MYO1D: variants seen among roughly 807,000 people sequenced by gnomAD.
MYO1D encodes the protein myosin ID, also known as unconventional myosin-Id.
In MYO1D, 83 loss-of-function variants were observed where a neutral mutation model predicts 122.0. The ratio of observed to expected loss-of-function variants is 0.68; its 90% CI spans 0.57 to 0.82. The LOEUF is 0.82. MYO1D is among the 40% of genes least tolerant of loss of function. MYO1D has a pLI of 0.00. For missense variants in MYO1D, 1,157 were observed against 1,269.5 expected, an observed-to-expected ratio of 0.91 and a Z score of 1.35; for synonymous variants, 464 against 446.9, an observed-to-expected ratio of 1.04 and a Z score of -0.48.
intron 20 of MYO1D, among the ~76,000 whole-genome samples, chr17:32,616,637 T>G (rs1396414084): frequency 6.6e-6 from 1 of 152,064 alleles, no homozygotes; most frequent in Non-Finnish European, 1.5e-5. Context: ...GCATTTTAAG[T>G]AAGAGTAACA....
chr17:32,616,978 A>T (rs571864646), intron 20 of MYO1D, among the ~76,000 whole-genome samples: 62 of 152,326 alleles, frequency 4.1e-4, no homozygotes, highest in African/African-American at 1.4e-3. Flanking sequence ...ACCTGAGGCC[A>T]GGTGTTCAAG....
At chr17:32,822,847 G>A (rs1008343243) in intron 1 of MYO1D, among the ~76,000 whole-genome samples, 1 of 151,540 alleles carries the variant, frequency 6.6e-6, no homozygotes, top group African/African-American at 2.4e-5. Flanking sequence ...GCCCGCGGGC[G>A]TGAGACTCAG....
At chr17:32,562,504 A>G (rs2087135061) in intron 21 of MYO1D, among the ~76,000 whole-genome samples, 1 of 151,460 alleles carries the variant, frequency 6.6e-6, no homozygotes, top group East Asian at 1.9e-4. Flanking sequence ...TTTTTTTGAG[A>G]TAGGGTCTTG....
At position 32,504,365 on chromosome 17, in the gene MYO1D, T is replaced by C. The variant is rs150680595; in HGVS notation, c.2865-9450A>G. Among the ~76,000 whole-genome samples the C allele has an allele frequency of 1.9e-3, 289 of 152,306 alleles. 2 individuals are homozygous for C. The highest frequency in any genetic ancestry group is 6.7e-3 in the African/African-American group (280 of 41,568). On this transcript the variant is annotated intron_variant, in intron 21 of 21. Coordinates refer to ENST00000318217, the MANE Select transcript of MYO1D (RefSeq NM_015194.3). ...TTCCCTGCCCACGTTCTCTTTGCAG[T>C]GACTCATGGAGCGCCCAGGGTGGAA...
chr17:32,766,900 A>G (rs1226174108), intron 7 of MYO1D, among the ~76,000 whole-genome samples: 2 of 152,214 alleles, frequency 1.3e-5, no homozygotes, highest in Non-Finnish European at 1.5e-5. Context: ...TTATAATACT[A>G]AAGTCTTCCT....
At chr17:32,824,275 T>G (rs1228497615) in intron 1 of MYO1D, among the ~76,000 whole-genome samples, 6 of 152,132 alleles carry the variant, frequency 3.9e-5, no homozygotes. Flanking sequence ...TTGGTAATAA[T>G]TCTCCCAAAA....
At chr17:32,521,818 T>C (rs1910148062) in intron 21 of MYO1D, among the ~76,000 whole-genome samples, 1 of 151,648 alleles carries the variant, frequency 6.6e-6, no homozygotes, top group South Asian at 2.1e-4. Context: ...GCGCGGTGGC[T>C]CACGCCTGTA....
chr17:32,871,256 G>T (rs2091176829), intron 1 of MYO1D, among the ~76,000 whole-genome samples: 1 of 152,194 alleles, frequency 6.6e-6, no homozygotes, highest in African/African-American at 2.4e-5. Context: ...ATTTTTGGTT[G>T]TCATAAATGA....
At chr17:32,668,404 A>G (rs1043574174) in intron 16 of MYO1D, among the ~76,000 whole-genome samples, 1 of 152,366 alleles carries the variant, frequency 6.6e-6, no homozygotes, top group Non-Finnish European at 1.5e-5. Flanking sequence ...CAAAACACAC[A>G]GTACTCCATC....
At chr17:32,628,041 T>A (rs554609639) in intron 20 of MYO1D, among the ~76,000 whole-genome samples, 1 of 152,326 alleles carries the variant, frequency 6.6e-6, no homozygotes, top group South Asian at 2.1e-4. Flanking sequence ...GAGATTGTGA[T>A]CAAAGTTTTG....
intron 13 of MYO1D, among the ~76,000 whole-genome samples, chr17:32,740,019 T>A (rs1169626659): frequency 6.6e-6 from 1 of 152,236 alleles, no homozygotes; most frequent in Non-Finnish European, 1.5e-5. Flanking sequence ...TCTAGTCCTA[T>A]TCCATAATTT....
intron 13 of MYO1D, among the ~76,000 whole-genome samples, chr17:32,739,731 T>A (rs1193628090): frequency 2.0e-5 from 3 of 152,224 alleles, no homozygotes; most frequent in Non-Finnish European, 2.9e-5. Context: ...TTACCCACTT[T>A]TTTTCCCTCA....
At chr17:32,797,053 C>T (rs1286776516) in intron 1 of MYO1D, among the ~76,000 whole-genome samples, 3 of 152,098 alleles carry the variant, frequency 2.0e-5, no homozygotes, top group Admixed American at 2.0e-4. Flanking sequence ...TCACTTCAAC[C>T]TCTGCCTCCC....
intron 21 of MYO1D, among the ~76,000 whole-genome samples, chr17:32,537,333 C>G (rs763149694): frequency 2.6e-5 from 4 of 152,180 alleles, no homozygotes; most frequent in Non-Finnish European, 4.4e-5. Context: ...TACTGGAACA[C>G]AGCCATGTCC....
intron 10 of MYO1D, among the ~76,000 whole-genome samples, chr17:32,755,979 C>T (rs534318367): frequency 7.9e-5 from 12 of 152,332 alleles, no homozygotes; most frequent in African/African-American, 2.6e-4. Context: ...CCCAACCCTA[C>T]TCCTTCATAC....
chr17:32,521,951 A>G (rs1175069038), intron 21 of MYO1D, among the ~76,000 whole-genome samples: 1 of 151,990 alleles, frequency 6.6e-6, no homozygotes, highest in Admixed American at 6.6e-5. Flanking sequence ...GTGCAGTGGC[A>G]GGCGCCTGTA....
chr17:32,561,380 CAT>C (rs1399396023), intron 21 of MYO1D, among the ~76,000 whole-genome samples: 3 of 151,252 alleles, frequency 2.0e-5, no homozygotes, highest in African/African-American at 7.3e-5. Flanking sequence ...AAAATTCATA[CAT>C]GTTTATTGTA....
chr17:32,815,832 T>C (rs1241183442), intron 1 of MYO1D, among the ~76,000 whole-genome samples: 1 of 152,238 alleles, frequency 6.6e-6, no homozygotes, highest in African/African-American at 2.4e-5. Flanking sequence ...CAAGCCCCAG[T>C]TTCTAGGTAC....
In MYO1D at chr17:32,773,023, T is replaced by C. The variant is rs183039416; in HGVS notation, c.565-181A>G. Among the ~76,000 whole-genome samples, 367 of 152,304 alleles carry C rather than the reference T, an allele frequency of 2.4e-3. 4 individuals carry two copies. Among genetic ancestry groups the C allele is most frequent in the African/African-American group, 7.3e-3 (305 of 41,564 alleles). On this transcript the variant is annotated intron_variant, in intron 4 of 21. Coordinates refer to ENST00000318217, the MANE Select transcript of MYO1D (RefSeq NM_015194.3). ...AATGGCAGATTCTTGCCTTAACTAATGACATTTGGTGCCGTGACTTGGATC... is the reference window on the plus strand; with the variant it reads ...AATGGCAGATTCTTGCCTTAACTAACGACATTTGGTGCCGTGACTTGGATC...
Sources: gnomAD v4.1 joint callset for allele counts (sites outside exome capture counted in the v4.1 genomes callset) on GRCh38, gnomAD v4.1.1 for gene constraint, MANE v1.5 for transcripts, NCBI Gene and HGNC (gene_info 2026-07-23, HGNC 2026-07-21) for gene names.